Variants in IGFL2 observed in about 807,000 individuals in gnomAD.
IGFL2 encodes the protein IGF like family member 2.
IGFL2 carries 7 observed loss-of-function variants against 13.9 expected under a neutral mutation model. That is an observed-to-expected ratio of 0.51 (90% CI 0.29 to 0.95). IGFL2 has a LOEUF of 0.95. Among genes scored for constraint, IGFL2 ranks in the 40% least tolerant of loss-of-function variants. IGFL2 has a pLI of 0.08. For missense variants in IGFL2, 138 were observed against 147.8 expected, an observed-to-expected ratio of 0.93 and a Z score of 0.34; for synonymous variants, 55 against 55.8, an observed-to-expected ratio of 0.99 and a Z score of 0.07.
At chr19:46,121,693 A>G in the IGFL2 span, among the ~76,000 whole-genome samples, 1 of 150,998 alleles carries the variant, frequency 6.6e-6, no homozygotes, top group African/African-American at 2.5e-5. Context: ...TTGTAAAGAA[A>G]GGCAGATTTT....
the IGFL2 span, among the ~76,000 whole-genome samples, chr19:46,194,848 A>AT: frequency 2.9e-5 from 1 of 33,952 alleles, no homozygotes; most frequent in Non-Finnish European, 6.3e-5. Flanking sequence ...ATATATATAT[A>AT]TATATTTTTT....
the IGFL2 span, among the ~76,000 whole-genome samples, chr19:46,086,335 G>C: frequency 6.7e-6 from 1 of 150,348 alleles, no homozygotes; most frequent in Admixed American, 6.6e-5. Flanking sequence ...TTTTTTTCTT[G>C]TTTTTTGGAG....
the IGFL2 span, among the ~76,000 whole-genome samples, chr19:46,126,898 A>C: frequency 1.3e-5 from 2 of 152,154 alleles, no homozygotes; most frequent in Non-Finnish European, 2.9e-5. Flanking sequence ...TGATGATACG[A>C]TGCATCACTA....
chr19:46,133,093 A>C, the IGFL2 span, among the ~76,000 whole-genome samples: 63 of 152,282 alleles, frequency 4.1e-4, no homozygotes, highest in African/African-American at 1.5e-3. Context: ...CAGCTTGGCG[A>C]CACTGAATCA....
At chr19:46,078,584 T>G in the IGFL2 span, among the ~76,000 whole-genome samples, 34 of 152,368 alleles carry the variant, frequency 2.2e-4, no homozygotes, top group South Asian at 8.3e-4. Flanking sequence ...CATTGGTCTT[T>G]TTTGTCCATT....
the IGFL2 span, among the ~76,000 whole-genome samples, chr19:46,129,307 TTGTGTGTGTGTGTG>T: frequency 2.0e-4 from 28 of 137,064 alleles, no homozygotes; most frequent in African/African-American, 3.1e-4. Flanking sequence ...TGTTGATCTT[TTGTGTGTGTGTGTG>T]TGTGTGTGTG....
chr19:46,153,792 C>G (rs1174272615), intron 1 of IGFL2, among the ~76,000 whole-genome samples: 1 of 144,186 alleles, frequency 6.9e-6, no homozygotes, highest in African/African-American at 2.5e-5. Context: ...GTAGCTTTTG[C>G]CTTTTTATTA....
At chr19:46,175,444 A>T in the IGFL2 span, among the ~76,000 whole-genome samples, 1 of 152,228 alleles carries the variant, frequency 6.6e-6, no homozygotes, top group Admixed American at 6.5e-5. Flanking sequence ...GAGTTGAATG[A>T]GAGAGGTATA....
the IGFL2 span, among the ~76,000 whole-genome samples, chr19:46,174,207 C>T: frequency 5.3e-5 from 8 of 152,178 alleles, no homozygotes; most frequent in African/African-American, 9.7e-5. Flanking sequence ...GAGGTAGGAC[C>T]GACCACAGAA....
At chr19:46,156,056 A>G (rs573076844) in intron 1 of IGFL2, among the ~76,000 whole-genome samples, 7 of 152,180 alleles carry the variant, frequency 4.6e-5, no homozygotes, top group East Asian at 1.9e-4. Flanking sequence ...GGATCAAGCA[A>G]TCCTCTTGCC....
chr19:46,129,667 G>T, the IGFL2 span, among the ~76,000 whole-genome samples: 1 of 152,120 alleles, frequency 6.6e-6, no homozygotes, highest in Admixed American at 6.6e-5. Flanking sequence ...TAATTGTATG[G>T]TTTTGAGCAA....
the IGFL2 span, among the ~76,000 whole-genome samples, chr19:46,087,120 C>T: frequency 3.3e-5 from 5 of 152,266 alleles, 1 homozygote; most frequent in Non-Finnish European, 5.9e-5. Context: ...GTCGCTTGAT[C>T]AGGTATTGAG....
the IGFL2 span, among the ~76,000 whole-genome samples, chr19:46,200,574 G>T: frequency 1.3e-5 from 2 of 150,072 alleles, no homozygotes; most frequent in African/African-American, 4.9e-5. Flanking sequence ...GGAGTGCAGT[G>T]GTCTTATCAT....
At chr19:46,153,472 G>C (rs1973623576) in intron 1 of IGFL2, among the ~76,000 whole-genome samples, 1 of 151,892 alleles carries the variant, frequency 6.6e-6, no homozygotes, top group Non-Finnish European at 1.5e-5. Context: ...TTGAGTGTTT[G>C]TATGTCTTCT....
At chr19:46,124,923 C>G in the IGFL2 span, among the ~76,000 whole-genome samples, 3 of 150,618 alleles carry the variant, frequency 2.0e-5, no homozygotes, top group Non-Finnish European at 4.4e-5. Flanking sequence ...TATACTATTG[C>G]AGACCTCAGG....
chr19:46,130,615 T>A, the IGFL2 span, among the ~76,000 whole-genome samples: 3 of 152,158 alleles, frequency 2.0e-5, no homozygotes, highest in Non-Finnish European at 4.4e-5. Context: ...AAAAGAGGAA[T>A]TTATTATCTT....
At chr19:46,146,879 T>C (rs370427350), upstream of IGFL2, among the ~76,000 whole-genome samples, 1 of 152,176 alleles carries the variant, frequency 6.6e-6, no homozygotes, top group Non-Finnish European at 1.5e-5. Flanking sequence ...CTGATCTCTG[T>C]CTCACCCTCC....
upstream of IGFL2, among the ~76,000 whole-genome samples, chr19:46,146,939 C>T (rs1303170938): frequency 6.6e-6 from 1 of 152,114 alleles, no homozygotes; most frequent in Admixed American, 6.5e-5. Flanking sequence ...AACACAGGAG[C>T]GCATTCTAAT....
the IGFL2 span, among the ~76,000 whole-genome samples, chr19:46,112,428 A>T: frequency 6.6e-6 from 1 of 152,322 alleles, no homozygotes; most frequent in South Asian, 2.1e-4. Context: ...TGGGGCTTCT[A>T]GGAAGGTCCC....
Sources: gnomAD v4.1 joint callset for allele counts (sites outside exome capture counted in the v4.1 genomes callset) on GRCh38, gnomAD v4.1.1 for gene constraint, MANE v1.5 for transcripts, NCBI Gene and HGNC (gene_info 2026-07-23, HGNC 2026-07-21) for gene names.